Variants in DRC11 observed in about 807,000 individuals in gnomAD.
The protein encoded by DRC11 is IQ and AAA domain-containing protein 1.
the DRC11 span, among the ~76,000 whole-genome samples, chr2:236,389,650 G>A: frequency 2.6e-3 from 392 of 152,312 alleles, 3 homozygotes; most frequent in African/African-American, 8.5e-3. Flanking sequence ...GGAGCTGTAG[G>A]CCGGAGCTGT....
At chr2:236,482,191 T>C in the DRC11 span, among the ~76,000 whole-genome samples, 1 of 152,048 alleles carries the variant, frequency 6.6e-6, no homozygotes, top group Middle Eastern at 3.4e-3. This position sits in a 1 kb window ranked among gnomAD's most constrained non-coding sequence, Gnocchi z 4.5. Context: ...CATTTTCATG[T>C]AGTCAAAATT....
At chr2:236,354,439 T>TG in the DRC11 span, among the ~76,000 whole-genome samples, 8 of 151,870 alleles carry the variant, frequency 5.3e-5, no homozygotes, top group African/African-American at 7.3e-5. Context: ...TGTTGGATGG[T>TG]GGGGGGCGTC....
the DRC11 span, among the ~76,000 whole-genome samples, chr2:236,357,039 TC>T: frequency 6.0e-4 from 57 of 95,440 alleles, 2 homozygotes; most frequent in Non-Finnish European, 8.6e-4. Flanking sequence ...ATTTATATAT[TC>T]ATATATTATA....
chr2:236,362,949 T>C, the DRC11 span, among the ~76,000 whole-genome samples: 4 of 152,158 alleles, frequency 2.6e-5, no homozygotes, highest in Non-Finnish European at 5.9e-5. The surrounding 1 kb of genome is among the most constrained non-coding windows in gnomAD (Gnocchi z 5.7). Flanking sequence ...TAAGGAGACA[T>C]TCCTGTCCGT....
At chr2:236,345,489 C>G in the DRC11 span, among the ~76,000 whole-genome samples, 1 of 152,136 alleles carries the variant, frequency 6.6e-6, no homozygotes, top group Non-Finnish European at 1.5e-5. Context: ...CCGCCTCTGG[C>G]CGTTCCCGGG....
chr2:236,311,697 C>CGTGCGTGCGT, the DRC11 span, among the ~76,000 whole-genome samples: 9 of 138,798 alleles, frequency 6.5e-5, no homozygotes, highest in African/African-American at 2.4e-4. The surrounding 1 kb of genome is among the most constrained non-coding windows in gnomAD (Gnocchi z 6.9). Flanking sequence ...GGATGGGGTG[C>CGTGCGTGCGT]GTGTGTGTGT....
the DRC11 span, among the ~76,000 whole-genome samples, chr2:236,423,300 C>T: frequency 6.6e-6 from 1 of 151,840 alleles, no homozygotes; most frequent in Non-Finnish European, 1.5e-5. Context: ...GCAATCTACT[C>T]ATCTGACAAA....
the DRC11 span, chr2:236,338,393 G>A: frequency 4.1e-5 from 64 of 1,552,250 alleles, no homozygotes; most frequent in Admixed American, 2.8e-4. Flanking sequence ...CTGGGAGAGA[G>A]AAAAAAAAAT....
chr2:236,343,568 C>A, the DRC11 span: 1 of 464,806 alleles, frequency 2.2e-6, no homozygotes, highest in Non-Finnish European at 4.1e-6. This position sits in a 1 kb window ranked among gnomAD's most constrained non-coding sequence, Gnocchi z 6.6. Flanking sequence ...GAGGGAGTAG[C>A]CCCTGCCCAT....
the DRC11 span, among the ~76,000 whole-genome samples, chr2:236,459,656 T>TATAC: frequency 8.6e-6 from 1 of 116,314 alleles, no homozygotes; most frequent in Non-Finnish European, 2.0e-5. Context: ...TATATATGTA[T>TATAC]ATACATACGT....
the DRC11 span, among the ~76,000 whole-genome samples, chr2:236,436,465 A>C: frequency 6.6e-6 from 1 of 152,306 alleles, no homozygotes; most frequent in South Asian, 2.1e-4. Context: ...TTTGTGGTTT[A>C]ACATTTTTAC....
chr2:236,340,563 G>T, the DRC11 span, among the ~76,000 whole-genome samples: 1 of 152,096 alleles, frequency 6.6e-6, no homozygotes, highest in African/African-American at 2.4e-5. Flanking sequence ...GGGCATTTGG[G>T]GTGCACATGT....
At chr2:236,497,332 A>G in the DRC11 span, 1 of 1,613,930 alleles carries the variant, frequency 6.2e-7, no homozygotes, top group South Asian at 1.1e-5. The surrounding 1 kb of genome is among the most constrained non-coding windows in gnomAD (Gnocchi z 5.1). Flanking sequence ...GACATTCTCT[A>G]GGTTTCTAAA....
the DRC11 span, chr2:236,488,181 A>T: frequency 1.9e-6 from 3 of 1,592,710 alleles, no homozygotes; most frequent in Non-Finnish European, 2.6e-6. Flanking sequence ...GATACTCTTT[A>T]CAGGGTATTT....
At chr2:236,360,693 T>C in the DRC11 span, among the ~76,000 whole-genome samples, 2 of 152,104 alleles carry the variant, frequency 1.3e-5, no homozygotes, top group African/African-American at 4.8e-5. This position sits in a 1 kb window ranked among gnomAD's most constrained non-coding sequence, Gnocchi z 5.8. Flanking sequence ...CCAAGCTCAG[T>C]GAAAAGCAAT....
the DRC11 span, among the ~76,000 whole-genome samples, chr2:236,345,013 A>G: frequency 6.8e-6 from 1 of 147,188 alleles, no homozygotes; most frequent in Admixed American, 6.8e-5. Flanking sequence ...GGGTGTGCAG[A>G]GCCCTGGTTG....
At chr2:236,424,687 A>C in the DRC11 span, among the ~76,000 whole-genome samples, 1 of 150,354 alleles carries the variant, frequency 6.7e-6, no homozygotes, top group Non-Finnish European at 1.5e-5. Flanking sequence ...CTATTCTCTT[A>C]GCAATTAAAA....
chr2:236,504,041 C>G, the DRC11 span, among the ~76,000 whole-genome samples: 1 of 152,196 alleles, frequency 6.6e-6, no homozygotes, highest in African/African-American at 2.4e-5. The surrounding 1 kb of genome is among the most constrained non-coding windows in gnomAD (Gnocchi z 5.0). Flanking sequence ...CCACCATTAT[C>G]TAACTCCAGA....
chr2:236,441,244 T>C, the DRC11 span: 1 of 700,168 alleles, frequency 1.4e-6, no homozygotes, highest in Non-Finnish European at 2.5e-6. Flanking sequence ...GGGTTCCCTG[T>C]AGATCAAGGG....
Sources: allele counts gnomAD v4.1 joint callset (sites outside exome capture counted in the v4.1 genomes callset), GRCh38; gene constraint gnomAD v4.1.1; non-coding constraint Gnocchi (gnomAD v3.1); transcripts MANE v1.5; gene names NCBI Gene and HGNC (gene_info 2026-07-23, HGNC 2026-07-21).